The following OR10A2 variants were observed in gnomAD, a reference collection of about 807,000 sequenced individuals.
The protein encoded by OR10A2 is olfactory receptor 10A2.
Under a neutral mutation model 13.7 loss-of-function variants are expected in OR10A2, and 15 were observed. The ratio of observed to expected loss-of-function variants is 1.10; its 90% CI spans 0.73 to 1.69. The LOEUF (loss-of-function observed/expected upper bound fraction) is 1.69, where lower values mean the gene tolerates loss of function less well. OR10A2 is among the 40% of genes most tolerant of loss of function. The pLI, the probability that OR10A2 is intolerant of heterozygous loss-of-function variation, is 0.00. For missense variants in OR10A2, 343 were observed against 361.1 expected (o/e 0.95, Z 0.41); for synonymous variants, 145 against 144.7 (o/e 1.00, Z -0.02).
intron 1 of OR10A2, among the ~76,000 whole-genome samples, chr11:6,868,787 AT>A (rs1019587096): frequency 6.6e-5 from 10 of 152,216 alleles, no homozygotes; most frequent in African/African-American, 2.4e-4. Context: ...AGACTTCAAT[AT>A]TCTAGATTAC....
At chr11:6,867,172 C>T (rs1289880597) in intron 1 of OR10A2, among the ~76,000 whole-genome samples, 1 of 151,760 alleles carries the variant, frequency 6.6e-6, no homozygotes, top group African/African-American at 2.4e-5. Flanking sequence ...TTTTCTGGCC[C>T]CACACTGTCA....
At chr11:6,865,120 C>A (rs1190602805) in intron 1 of OR10A2, among the ~76,000 whole-genome samples, 1 of 112,336 alleles carries the variant, frequency 8.9e-6, no homozygotes, top group African/African-American at 2.9e-5. Context: ...TATATATTTT[C>A]ATATAATTAC....
rs1204028917 is a variant in OR10A2 at position 6,869,913 on chromosome 11, A to G, written c.159A>G (p.Leu53=). The G allele has an allele frequency of 3.7e-6, 6 of 1,614,110 alleles. No individual in the cohort carries two copies. Among genetic ancestry groups the G allele is most frequent in the Non-Finnish European group, 5.1e-6 (6 of 1,179,998 alleles). Reference sequence around the variant, plus strand: ...CCATGTACTTCTTCCTCAGAAACTTATCTTTCCTGGAGATTGGCTTCAACC... The same window carrying G: ...CCATGTACTTCTTCCTCAGAAACTTGTCTTTCCTGGAGATTGGCTTCAACC... ...HSPMYFFLRN[L]SFLEIGFNLV... Residue 53 remains leucine (L), a synonymous_variant, in exon 2 of 2, where the codon TTA becomes TTG. Transcript: ENST00000641461.
rs376321505 is a variant in OR10A2, at chr11:6,870,215, C to T, written c.461C>T (p.Pro154Leu). The change falls in exon 2 of 2, where the codon CCA becomes CTA. Residue 154 changes from proline (P) to leucine (L), a missense_variant. Pro to Leu is a moderately conservative substitution (Grantham distance 98). Transcript: ENST00000641461. ...CAGACCACATGGCTCTTCAGTTTTC[C>T]ATTCTGTGGCACCAACAAGGTGAAC... ...TVQTTWLFSFPFCGTNKVNHF... is the reference protein window; with the variant it reads ...TVQTTWLFSFLFCGTNKVNHF... 10 of 1,614,218 alleles carry T rather than the reference C, an allele frequency of 6.2e-6. No individual in the cohort carries two copies. The Middle Eastern group carries it at 6.6e-4, about 107-fold the overall frequency.
rs1393910195 is a variant in OR10A2, at chr11:6,873,258, A to G, written c.*2592A>G. On this transcript the variant is annotated 3_prime_UTR_variant, in exon 2 of 2. Transcript: ENST00000641461. Reference sequence around the variant, plus strand: ...CTTTAAAGACAAGGCATTAGTAGAAACAACATTTGGTTCCCAGAGAGACAA... The same window carrying G: ...CTTTAAAGACAAGGCATTAGTAGAAGCAACATTTGGTTCCCAGAGAGACAA... The G allele has an allele frequency of 1.3e-5, 2 of 152,262 alleles. No homozygotes were observed. The highest frequency in any genetic ancestry group is 2.9e-5 in the Non-Finnish European group (2 of 68,050). 9.4% of individuals were successfully genotyped at this position (152,262 alleles called of 1,614,324 possible).
chr11:6,864,100 C>T (rs747623829), intron 1 of OR10A2, among the ~76,000 whole-genome samples: 6 of 152,170 alleles, frequency 3.9e-5, no homozygotes, highest in East Asian at 3.8e-4. Context: ...CTGGCAAGAA[C>T]GCTGTGGGCT....
At position 6,871,247 on chromosome 11, in the gene OR10A2, G is replaced by A. The variant is rs6578788; in HGVS notation, c.*581G>A. The A allele has an allele frequency of 0.32, 49,513 of 152,406 alleles. 8,578 individuals are homozygous for A. Among genetic ancestry groups the A allele is most frequent in the South Asian group, 0.41 (1,978 of 4,824 alleles). The allele number at this position is 152,406 out of a possible 1,614,324, so 9.4% of individuals were successfully genotyped here. A position where few individuals can be genotyped will look rare whatever the true frequency, so the allele number is the denominator to read the frequency against. On this transcript the variant is annotated 3_prime_UTR_variant, in exon 2 of 2. Transcript: ENST00000641461. ...CAGGCGTGAGCCACCGCGCCTGGCCGGTGTTTATATTTCTGTGTGACGTGC... is the reference window on the plus strand; with the variant it reads ...CAGGCGTGAGCCACCGCGCCTGGCCAGTGTTTATATTTCTGTGTGACGTGC...
Position 6,872,398 on chromosome 11 carries a change from CTG to C in OR10A2, c.*1734_*1735del, listed in dbSNP as rs1355834404. The C allele has an allele frequency of 6.6e-6, 1 of 152,236 alleles. No individual in the cohort carries two copies. The highest frequency in any genetic ancestry group is 1.5e-5 in the Non-Finnish European group (1 of 68,050). 9.4% of individuals were successfully genotyped at this position (152,236 alleles called of 1,614,324 possible). A position where few individuals can be genotyped will look rare whatever the true frequency, so the allele number is the denominator to read the frequency against. Reference sequence around the variant, plus strand: ...ATTTTGTATATACTACATGTAGAAACTGTACATGTACTTATTTTTACATGTTT... The same window carrying C: ...ATTTTGTATATACTACATGTAGAAACTACATGTACTTATTTTTACATGTTT... On this transcript the variant is annotated 3_prime_UTR_variant, in exon 2 of 2. Transcript: ENST00000641461.
chr11:6,869,176 T>C (rs981462656), intron 1 of OR10A2, among the ~76,000 whole-genome samples: 10 of 152,234 alleles, frequency 6.6e-5, no homozygotes, highest in Non-Finnish European at 1.0e-4. Flanking sequence ...AACATGCATA[T>C]GTAAATGGTC....
In OR10A2 at chr11:6,870,483, C is replaced by A; in HGVS notation, c.729C>A (p.Ser243Arg). Residue 243 changes from serine to arginine, a missense_variant, in exon 2 of 2, where the codon AGC becomes AGA. Ser to Arg is a moderately radical substitution (Grantham distance 110). Transcript: ENST00000641461. ...TCTCTCTTTTCTATATATCATTAAG[C>A]CTCACCTACTTCCGGCCTAAATCAA... is the stretch of plus-strand genomic sequence containing the variant. Reference protein sequence around the residue: ...LVVSLFYISLSLTYFRPKSNN... With the variant: ...LVVSLFYISLRLTYFRPKSNN... 6.2e-7 allele frequency: 1 copy of A among 1,614,170 alleles called. No individual in the cohort carries two copies.
chr11:6,870,027 C>T lies in OR10A2; in HGVS notation c.273C>T (p.Phe91=). The stretch of plus-strand genomic sequence containing the variant: ...GCTGTGCCACTCAGATGTATTTCTT[C>T]TTCTTCTTTGGAGTGGCTGAATGCT... The part of the protein sequence containing the change: ...FLGCATQMYF[F]FFFGVAECFL... Residue 91 remains phenylalanine (F), a synonymous_variant, in exon 2 of 2, where the codon TTC becomes TTT. Coordinates refer to ENST00000641461, the MANE Select transcript of OR10A2 (RefSeq NM_001004460.2). The T allele has an allele frequency of 4.3e-6, 7 of 1,614,234 alleles. No homozygotes were observed. Among genetic ancestry groups the T allele is most frequent in the Non-Finnish European group, 2.5e-6 (3 of 1,180,046 alleles).
chr11:6,866,191 T>C (rs1424623538), intron 1 of OR10A2, among the ~76,000 whole-genome samples: 2 of 152,224 alleles, frequency 1.3e-5, no homozygotes, highest in Non-Finnish European at 2.9e-5. Context: ...CTGAGGAATA[T>C]TCATGTTTTT....
chr11:6,865,444 A>G, intron 1 of OR10A2, among the ~76,000 whole-genome samples: 1 of 151,988 alleles, frequency 6.6e-6, no homozygotes, highest in East Asian at 1.9e-4. Context: ...CCTTAAATAC[A>G]TGCTTCATAA....
rs1381902656 is a variant in OR10A2 at position 6,870,469 on chromosome 11, T to C, written c.715T>C (p.Tyr239His). The change falls in exon 2 of 2, where the codon TAT (tyrosine) becomes CAT (histidine). Residue 239 changes from tyrosine to histidine, a missense_variant. Physicochemically the swap from Tyr to His is moderately conservative, Grantham distance 83. Coordinates refer to ENST00000641461, the MANE Select transcript of OR10A2 (RefSeq NM_001004460.2). Reference sequence around the variant, plus strand: ...ACACCTCCTTGTTGTCTCTCTTTTCTATATATCATTAAGCCTCACCTACTT... The same window carrying C: ...ACACCTCCTTGTTGTCTCTCTTTTCCATATATCATTAAGCCTCACCTACTT... The part of the protein sequence containing the change: ...SSHLLVVSLF[Y>H]ISLSLTYFRP... The C allele has an allele frequency of 4.3e-6, 7 of 1,614,068 alleles. No homozygotes were observed. The highest frequency in any genetic ancestry group is 1.1e-5 in the South Asian group (1 of 91,096).
Position 6,863,358 on chromosome 11 carries a change from C to CTTTTTTTTTT in OR10A2, c.-133+24_-133+33dup, listed in dbSNP as rs60582338. 1.1e-5 allele frequency: 1 copy of CTTTTTTTTTT among 89,290 alleles called. No individual in the cohort carries two copies. The highest frequency in any genetic ancestry group is 2.0e-5 in the Non-Finnish European group (1 of 49,654). 5.5% of individuals were successfully genotyped at this position (89,290 alleles called of 1,614,324 possible). A position where few individuals can be genotyped will look rare whatever the true frequency, so the allele number is the denominator to read the frequency against. The stretch of plus-strand genomic sequence containing the variant: ...ATGTTCCTGTTGGACACAGGTAAGC[C>CTTTTTTTTTT]TTTTTTTTTTTTTTTTTTTTTTTTT... On this transcript the variant is annotated splice_region_variant and intron_variant, in intron 1 of 1. Coordinates refer to ENST00000641461, the MANE Select transcript of OR10A2 (RefSeq NM_001004460.2).
Position 6,870,365 on chromosome 11 carries a change from C to T in OR10A2, c.611C>T (p.Ser204Phe), listed in dbSNP as rs745392336. The change falls in exon 2 of 2, where the codon TCC becomes TTC. Residue 204 changes from serine (S) to phenylalanine (F), a missense_variant. Transcript: ENST00000641461. ...VMIPCLLILC[S>F]YTHIAAAILK... ...ATCCCCTGCTTGCTGATCTTGTGTT[C>T]CTATACTCACATTGCTGCTGCCATC... is the stretch of plus-strand genomic sequence containing the variant. 1.9e-6 allele frequency: 3 copies of T among 1,614,076 alleles called. No individual in the cohort carries two copies. The highest frequency in any genetic ancestry group is 4.5e-5 in the East Asian group (2 of 44,880).
chr11:6,874,421 C>G lies in OR10A2; in HGVS notation c.*3755C>G, dbSNP rs913337972. 6.6e-6 allele frequency: 1 copy of G among 152,158 alleles called. No homozygotes were observed. Among genetic ancestry groups the G allele is most frequent in the African/African-American group, 2.4e-5 (1 of 41,422 alleles). The allele number at this position is 152,158 out of a possible 1,614,324, so 9.4% of individuals were successfully genotyped here. A position where few individuals can be genotyped will look rare whatever the true frequency, so the allele number is the denominator to read the frequency against. ...GTGGTATTCCAGTTCTCCAATGTTA[C>G]TAATATATTGAAATTTTCTGCCCAT... On this transcript the variant is annotated 3_prime_UTR_variant, in exon 2 of 2. Coordinates refer to ENST00000641461, the MANE Select transcript of OR10A2 (RefSeq NM_001004460.2).
Position 6,869,873 on chromosome 11 carries a change from C to T in OR10A2, c.119C>T (p.Pro40Leu). 1 of 1,614,148 alleles carries T rather than the reference C, an allele frequency of 6.2e-7. No individual in the cohort carries two copies. The highest frequency in any genetic ancestry group is 2.2e-5 in the East Asian group (1 of 44,880). Residue 40 changes from proline (P) to leucine (L), a missense_variant, in exon 2 of 2, where the codon CCC (proline) becomes CTC (leucine). Transcript: ENST00000641461. ...ATCATTCTGGTTACCCTAGCTGACC[C>T]CATGCTACACAGCCCCATGTACTTC... Reference protein sequence around the residue: ...CLIILVTLADPMLHSPMYFFL... With the variant: ...CLIILVTLADLMLHSPMYFFL...
In OR10A2 at chr11:6,870,827, G is replaced by C. The variant is rs1339486156; in HGVS notation, c.*161G>C. The C allele has an allele frequency of 1.8e-6, 1 of 560,414 alleles. No homozygotes were observed. 34.7% of individuals were successfully genotyped at this position (560,414 alleles called of 1,614,324 possible). A position where few individuals can be genotyped will look rare whatever the true frequency, so the allele number is the denominator to read the frequency against. On this transcript the variant is annotated 3_prime_UTR_variant, in exon 2 of 2. Coordinates refer to ENST00000641461, the MANE Select transcript of OR10A2 (RefSeq NM_001004460.2). ...GAGAAAGGAGCAGAGAAGTAGTTTC[G>C]ACCTAGCACCACCAACTATGAAAAC...
Sources: gnomAD v4.1 joint callset for allele counts (sites outside exome capture counted in the v4.1 genomes callset) on GRCh38, gnomAD v4.1.1 for gene constraint, MANE v1.5 for transcripts, NCBI Gene and HGNC (gene_info 2026-07-23, HGNC 2026-07-21) for gene names.